ATAD2B: variants seen among roughly 807,000 people sequenced by gnomAD.
The protein encoded by ATAD2B is ATPase family AAA domain containing 2B, also known as ATPase family AAA domain-containing protein 2B.
Under a neutral mutation model 167.6 loss-of-function variants are expected in ATAD2B, and 40 were observed. The ratio of observed to expected loss-of-function variants is 0.24; its 90% CI spans 0.19 to 0.31. The LOEUF is 0.31. Among genes scored for constraint, ATAD2B ranks in the 10% least tolerant of loss-of-function variants. The pLI is 1.00. For missense variants in ATAD2B, 1,242 were observed against 1,757.2 expected (o/e 0.71, Z 5.24); for synonymous variants, 579 against 596.5 (o/e 0.97, Z 0.43).
intron 1 of ATAD2B, among the ~76,000 whole-genome samples, chr2:23,900,061 G>A (rs1036758864): frequency 6.6e-6 from 1 of 150,530 alleles, no homozygotes; most frequent in African/African-American, 2.4e-5. Context: ...GGGATTACAG[G>A]TGCATGCCAC....
intron 26 of ATAD2B, 76 bp from the exon 27 acceptor site, chr2:23,754,383 G>C (rs1031707930): frequency 5.2e-5 from 72 of 1,383,944 alleles, no homozygotes; most frequent in Middle Eastern, 1.8e-4. Flanking sequence ...CAAATGGCTA[G>C]TCAATAAACA....
At chr2:23,914,066 C>G (rs1037187892) in intron 1 of ATAD2B, among the ~76,000 whole-genome samples, 1 of 151,942 alleles carries the variant, frequency 6.6e-6, no homozygotes, top group Non-Finnish European at 1.5e-5. Context: ...CTGGGCAACA[C>G]AGCAATAACC....
chr2:23,917,656 G>A (rs538340796), intron 1 of ATAD2B, among the ~76,000 whole-genome samples: 1 of 152,110 alleles, frequency 6.6e-6, no homozygotes, highest in East Asian at 1.9e-4. Context: ...GCCAGGTGCA[G>A]TGGCTCATAC....
intron 22 of ATAD2B, among the ~76,000 whole-genome samples, chr2:23,768,999 A>G (rs1677876510): frequency 6.6e-6 from 1 of 152,202 alleles, no homozygotes; most frequent in South Asian, 2.1e-4. Context: ...ATGGAAATAT[A>G]CACGTTAATT....
intron 6 of ATAD2B, among the ~76,000 whole-genome samples, chr2:23,883,915 G>A (rs563258605): frequency 4.7e-4 from 72 of 152,184 alleles, no homozygotes; most frequent in African/African-American, 1.1e-3. Context: ...AGGCCGAAGC[G>A]GGTGGATCAC....
chr2:23,813,189 C>T (rs1685880946), intron 17 of ATAD2B, among the ~76,000 whole-genome samples: 1 of 150,752 alleles, frequency 6.6e-6, no homozygotes, highest in Non-Finnish European at 1.5e-5. Context: ...TAAAAGGCAG[C>T]CTAGGAAATG....
chr2:23,827,840 C>G (rs573285905), intron 15 of ATAD2B: 1 of 152,638 alleles, frequency 6.6e-6, no homozygotes, highest in Non-Finnish European at 1.5e-5. Context: ...CTGAGGGATG[C>G]TGCTTCGGAG....
chr2:23,744,282 A>AT (rs142964412), downstream of ATAD2B, among the ~76,000 whole-genome samples: 19,870 of 144,938 alleles, frequency 0.14, 1,414 homozygotes, highest in Middle Eastern at 0.17. Flanking sequence ...TCCTGGGAGA[A>AT]TTTTTTTTTT....
chr2:23,701,037 A>G, the ATAD2B span, among the ~76,000 whole-genome samples: 1 of 152,050 alleles, frequency 6.6e-6, no homozygotes, highest in African/African-American at 2.4e-5. Flanking sequence ...CAAATATCTG[A>G]CTGTCTGCTG....
chr2:23,834,899 A>C (rs1689680050), intron 13 of ATAD2B, among the ~76,000 whole-genome samples: 1 of 152,172 alleles, frequency 6.6e-6, no homozygotes, highest in Non-Finnish European at 1.5e-5. Context: ...AAAACGAAAA[A>C]TATTTTTAAA....
At chr2:23,693,756 G>A in the ATAD2B span, among the ~76,000 whole-genome samples, 2 of 152,360 alleles carry the variant, frequency 1.3e-5, no homozygotes, top group Non-Finnish European at 2.9e-5. Context: ...CGCAGCACCT[G>A]CACTCTGCAG....
chr2:23,793,331 G>A (rs1019090586), intron 19 of ATAD2B, among the ~76,000 whole-genome samples: 1 of 152,126 alleles, frequency 6.6e-6, no homozygotes, highest in African/African-American at 2.4e-5. Context: ...AGCAGATACT[G>A]TGAATGTCTT....
At chr2:23,906,682 C>G (rs1366278901) in intron 1 of ATAD2B, among the ~76,000 whole-genome samples, 1 of 151,916 alleles carries the variant, frequency 6.6e-6, no homozygotes, top group Non-Finnish European at 1.5e-5. Context: ...AATTTTAGAC[C>G]AATATCCTTG....
intron 1 of ATAD2B, among the ~76,000 whole-genome samples, chr2:23,904,606 A>C (rs1701260563): frequency 6.6e-6 from 1 of 151,138 alleles, no homozygotes; most frequent in East Asian, 1.9e-4. Context: ...ACTGTAAGAG[A>C]GAATAAAACA....
chr2:23,910,795 G>A (rs1437251961), intron 1 of ATAD2B, among the ~76,000 whole-genome samples: 5 of 151,976 alleles, frequency 3.3e-5, no homozygotes, highest in Non-Finnish European at 7.4e-5. Context: ...TTGAACCTAG[G>A]AGGCGGAGGT....
At chr2:23,756,602 C>A (rs1675979935) in intron 25 of ATAD2B, among the ~76,000 whole-genome samples, 1 of 152,214 alleles carries the variant, frequency 6.6e-6, no homozygotes, top group South Asian at 2.1e-4. Context: ...GGCTAGAAAC[C>A]CTTAACTCCC....
intron 13 of ATAD2B, among the ~76,000 whole-genome samples, chr2:23,847,987 C>T (rs1691956710): frequency 7.8e-6 from 1 of 127,838 alleles, no homozygotes; most frequent in Non-Finnish European, 1.6e-5. Context: ...AGTGAGACTT[C>T]ATCCCAAAAA....
chr2:23,746,661 A>T (rs1413421694), downstream of ATAD2B, among the ~76,000 whole-genome samples: 13 of 152,206 alleles, frequency 8.5e-5, no homozygotes. Context: ...GCTTAGGGGG[A>T]AAATAAATCA....
Position 23,895,913 on chromosome 2 carries a change from T to C in ATAD2B, c.274A>G (p.Thr92Ala). ...CAAACAGAATCAGGTTGTTTCAAAG[T>C]GCGTTTGGCTGGAGGAGATACGTGG... ...DSHVSPPAKR[T>A]LKQPDSVCKD... The change falls in exon 2 of 28, where the codon ACT (threonine) becomes GCT (alanine). Residue 92 changes from threonine (T) to alanine (A), a missense_variant. Physicochemically the swap from Thr to Ala is moderately conservative, Grantham distance 58 (BLOSUM62 0). Around this residue, in one of 9 missense-constraint regions of ATAD2B, gnomAD observed 199 missense variants for 194.9 expected, o/e 1.02. Transcript: ENST00000238789. 1.2e-6 allele frequency: 2 copies of C among 1,613,452 alleles called. No homozygotes were observed. Among genetic ancestry groups the C allele is most frequent in the Non-Finnish European group, 1.7e-6 (2 of 1,179,528 alleles).
Sources: allele counts gnomAD v4.1 joint callset (sites outside exome capture counted in the v4.1 genomes callset), GRCh38; gene constraint gnomAD v4.1.1; regional missense constraint gnomAD v4.1.1; transcripts MANE v1.5; gene names NCBI Gene and HGNC (gene_info 2026-07-23, HGNC 2026-07-21).